EIF4EBP2: variants seen among roughly 807,000 people sequenced by gnomAD.
EIF4EBP2 encodes the protein eukaryotic translation initiation factor 4E binding protein 2, also known as eukaryotic translation initiation factor 4E-binding protein 2.
Under a neutral mutation model 10.3 loss-of-function variants are expected in EIF4EBP2, and 5 were observed. The observed-to-expected ratio is 0.48, with a 90% CI of 0.25 to 1.02. EIF4EBP2 has a LOEUF of 1.02. Among genes scored for constraint, EIF4EBP2 ranks in the 50% least tolerant of loss-of-function variants. EIF4EBP2 has a pLI of 0.15. For missense variants in EIF4EBP2, 188 were observed against 162.2 expected, an observed-to-expected ratio of 1.16 and a Z score of -0.86; for synonymous variants, 67 against 61.1, an observed-to-expected ratio of 1.10 and a Z score of -0.45.
In EIF4EBP2 at chr10:70,421,908, A is replaced by G; in HGVS notation, c.*161A>G. The G allele has an allele frequency of 1.6e-6, 1 of 626,804 alleles. No individual in the cohort carries two copies. Among genetic ancestry groups the G allele is most frequent in the South Asian group, 2.0e-5 (1 of 49,150 alleles). The allele number at this position is 626,804 out of a possible 1,614,324, so 38.8% of individuals were successfully genotyped here. On this transcript the variant is annotated 3_prime_UTR_variant, in exon 3 of 3. Transcript: ENST00000373218. ...CCTCTGGGTGCCAAATGATGGGAAGATGAGCTTCATCTGACCATTTCTTCT... is the reference window on the plus strand; with the variant it reads ...CCTCTGGGTGCCAAATGATGGGAAGGTGAGCTTCATCTGACCATTTCTTCT...
intron 1 of EIF4EBP2, among the ~76,000 whole-genome samples, chr10:70,409,614 G>A (rs1034584562): frequency 6.6e-6 from 1 of 152,198 alleles, no homozygotes; most frequent in Non-Finnish European, 1.5e-5. Flanking sequence ...AGGAAAGGAA[G>A]TTTGCAAACA....
intron 2 of EIF4EBP2, among the ~76,000 whole-genome samples, chr10:70,420,615 AGTT>A (rs1224685424): frequency 6.6e-6 from 1 of 152,198 alleles, no homozygotes; most frequent in Non-Finnish European, 1.5e-5. Context: ...AATCTGATGT[AGTT>A]GGTGGGAGAA....
At position 70,420,195 on chromosome 10, in the gene EIF4EBP2, G is replaced by C. The variant is rs1003253982; in HGVS notation, c.331+96G>C. 7 of 1,222,352 alleles carry C rather than the reference G, an allele frequency of 5.7e-6. No homozygotes were observed. The African/African-American group carries it at 9.5e-5, about 17-fold the overall frequency. 75.7% of individuals were successfully genotyped at this position (1,222,352 alleles called of 1,614,324 possible). On this transcript the variant is annotated intron_variant, in intron 2 of 2. Transcript: ENST00000373218. ...GAGAAGCTATTGATTCTTCAGTTTT[G>C]TTTTTTGTTTTTTGTTTTTTTTGAG...
intron 1 of EIF4EBP2, among the ~76,000 whole-genome samples, chr10:70,418,210 CAA>C (rs776078747): frequency 6.6e-5 from 10 of 152,294 alleles, no homozygotes; most frequent in Admixed American, 2.0e-4. Flanking sequence ...GTAAGGGACA[CAA>C]AGAGAAGGCA....
chr10:70,404,298 G>C lies in EIF4EBP2; in HGVS notation c.-104G>C, dbSNP rs1844944616. 1 of 1,371,784 alleles carries C rather than the reference G, an allele frequency of 7.3e-7. No individual in the cohort carries two copies. Among genetic ancestry groups the C allele is most frequent in the Non-Finnish European group, 9.5e-7 (1 of 1,056,512 alleles). The allele number at this position is 1,371,784 out of a possible 1,614,324, so 85.0% of individuals were successfully genotyped here. A position where few individuals can be genotyped will look rare whatever the true frequency, so the allele number is the denominator to read the frequency against. On this transcript the variant is annotated 5_prime_UTR_variant, in exon 1 of 3. Coordinates refer to ENST00000373218, the MANE Select transcript of EIF4EBP2 (RefSeq NM_004096.5). ...GGGAACGGGAGGAAGCGAGCGAGGA[G>C]CGCGCAGAGCGCGCTTTTCCGTCCG...
At chr10:70,416,253 A>G (rs1045015459) in intron 1 of EIF4EBP2, among the ~76,000 whole-genome samples, 2 of 152,196 alleles carry the variant, frequency 1.3e-5, no homozygotes, top group Non-Finnish European at 1.5e-5. Flanking sequence ...CACACTGCTG[A>G]TGGGAATGTA....
chr10:70,418,574 T>C (rs1220165248), intron 1 of EIF4EBP2, among the ~76,000 whole-genome samples: 5 of 152,172 alleles, frequency 3.3e-5, no homozygotes, highest in African/African-American at 1.2e-4. Flanking sequence ...AATACTGTGA[T>C]TCATCAAGAG....
intron 1 of EIF4EBP2, 147 bp downstream of exon 1, chr10:70,404,693 G>C (rs1844950335): frequency 8.9e-7 from 1 of 1,122,678 alleles, no homozygotes; most frequent in African/African-American, 1.7e-5. Flanking sequence ...CGAGCGTTCG[G>C]GACCCTTTAC....
intron 1 of EIF4EBP2, among the ~76,000 whole-genome samples, chr10:70,408,714 C>T (rs1296618989): frequency 1.3e-5 from 2 of 152,064 alleles, no homozygotes; most frequent in East Asian, 1.9e-4. Context: ...GGGAGTGGTT[C>T]GCACAAAAGG....
rs1167072271 is a variant in EIF4EBP2, at chr10:70,404,219, AGCG to A, written c.-165_-163del. 2.6e-5 allele frequency among the ~76,000 whole-genome samples: 4 copies of A among 152,064 alleles called. No homozygotes were observed. The highest frequency in any genetic ancestry group is 6.5e-5 in the Admixed American group (1 of 15,292). Reference sequence around the variant, plus strand: ...GCTGCTGGCTGAGGCCGGAGGATCGAGCGGCGGCGGCGGCGGCGGCTGAGAGGG... The same window carrying A: ...GCTGCTGGCTGAGGCCGGAGGATCGAGCGGCGGCGGCGGCGGCTGAGAGGG... On this transcript the variant is annotated 5_prime_UTR_variant, in exon 1 of 3. Coordinates refer to ENST00000373218, the MANE Select transcript of EIF4EBP2 (RefSeq NM_004096.5).
At chr10:70,412,454 ATGTTATAGTGGACTT>A (rs1265901806) in intron 1 of EIF4EBP2, among the ~76,000 whole-genome samples, 1 of 152,144 alleles carries the variant, frequency 6.6e-6, no homozygotes, top group Non-Finnish European at 1.5e-5. Context: ...TAAGTTAACC[ATGTTATAGTGGACTT>A]TCTCTGTGTG....
At chr10:70,412,966 C>G (rs1845060333) in intron 1 of EIF4EBP2, among the ~76,000 whole-genome samples, 1 of 152,094 alleles carries the variant, frequency 6.6e-6, no homozygotes, top group African/African-American at 2.4e-5. Flanking sequence ...GGGTAAAATG[C>G]CAGTAGACAG....
At chr10:70,412,231 G>A (rs886584004) in intron 1 of EIF4EBP2, among the ~76,000 whole-genome samples, 17 of 152,076 alleles carry the variant, frequency 1.1e-4, no homozygotes, top group African/African-American at 3.9e-4. Flanking sequence ...TTCCTGCTTG[G>A]AACTCTATTT....
chr10:70,426,829 C>G lies in EIF4EBP2; in HGVS notation c.*5082C>G, dbSNP rs557485442. On this transcript the variant is annotated 3_prime_UTR_variant, in exon 3 of 3. Transcript: ENST00000373218. ...TTTCCAGCTCACTGGGACTCTCAGA[C>G]CTTACCTTTCCAGCTCAAACACCAT... is the stretch of plus-strand genomic sequence containing the variant. The G allele has an allele frequency of 6.6e-6, 1 of 152,314 alleles. No homozygotes were observed. The highest frequency in any genetic ancestry group is 2.1e-4 in the South Asian group (1 of 4,828). The allele number at this position is 152,314 out of a possible 1,614,324, so 9.4% of individuals were successfully genotyped here.
At chr10:70,407,802 G>A (rs1211009057) in intron 1 of EIF4EBP2, among the ~76,000 whole-genome samples, 5 of 143,700 alleles carry the variant, frequency 3.5e-5, no homozygotes, top group African/African-American at 1.0e-4. Context: ...CAGTAGGGGC[G>A]GCCGGGCAGA....
chr10:70,420,389 C>T (rs995545614), intron 2 of EIF4EBP2, among the ~76,000 whole-genome samples: 1 of 151,884 alleles, frequency 6.6e-6, no homozygotes, highest in African/African-American at 2.4e-5. Context: ...TTAGTAGAGA[C>T]GGGGTTTCGC....
chr10:70,413,987 C>T (rs1271352616), intron 1 of EIF4EBP2, among the ~76,000 whole-genome samples: 1 of 152,254 alleles, frequency 6.6e-6, no homozygotes, highest in South Asian at 2.1e-4. Flanking sequence ...ATTGAGCTGA[C>T]ATAGCGTTGG....
chr10:70,420,163 G>C, intron 2 of EIF4EBP2, 64 bp downstream of exon 2: 3 of 1,465,862 alleles, frequency 2.0e-6, no homozygotes, highest in Middle Eastern at 1.8e-4. Flanking sequence ...TCTGTTTGCT[G>C]TAGGTTGAGA....
At chr10:70,420,307 C>G (rs1229071500) in intron 2 of EIF4EBP2, among the ~76,000 whole-genome samples, 1 of 152,200 alleles carries the variant, frequency 6.6e-6, no homozygotes, top group East Asian at 1.9e-4. Context: ...TCAAGCGTTT[C>G]TCCTGCCTCA....
Sources: allele counts gnomAD v4.1 joint callset (sites outside exome capture counted in the v4.1 genomes callset), GRCh38; gene constraint gnomAD v4.1.1; transcripts MANE v1.5; gene names NCBI Gene and HGNC (gene_info 2026-07-23, HGNC 2026-07-21).